ZNF326: variants seen among roughly 807,000 people sequenced by gnomAD.
ZNF326 encodes the protein zinc finger protein 326, also known as DBIRD complex subunit ZNF326.
Under a neutral mutation model 63.1 loss-of-function variants are expected in ZNF326, and 30 were observed. The observed-to-expected ratio is 0.48, with a 90% CI of 0.36 to 0.64. The LOEUF is 0.64. Among genes scored for constraint, ZNF326 ranks in the 30% least tolerant of loss-of-function variants. The pLI is 0.00. For synonymous variants in ZNF326, 194 were observed against 228.2 expected, an observed-to-expected ratio of 0.85 and a Z score of 1.35; for missense variants, 609 against 720.3, an observed-to-expected ratio of 0.85 and a Z score of 1.77.
chr1:90,010,965 T>TTAACA, intron 6 of ZNF326, among the ~76,000 whole-genome samples: 1 of 152,280 alleles, frequency 6.6e-6, no homozygotes, highest in South Asian at 2.1e-4. Context: ...CCTTTAACAG[T>TTAACA]GTGTCAATTG....
rs1348338366 is a variant in ZNF326 at position 90,023,552 on chromosome 1, C to T, written c.1401+1207C>T. Reference sequence around the variant, plus strand: ...TTGTCGCCATTTACTACATTCTTGACACTACTTTAAAAAAATGAATGCAGC... The same window carrying T: ...TTGTCGCCATTTACTACATTCTTGATACTACTTTAAAAAAATGAATGCAGC... On this transcript the variant is annotated intron_variant, in intron 11 of 11. Transcript: ENST00000340281. Among the ~76,000 whole-genome samples, 2 of 152,020 alleles carry T rather than the reference C, an allele frequency of 1.3e-5. 1 individual carries two copies. Among genetic ancestry groups the T allele is most frequent in the African/African-American group, 4.8e-5 (2 of 41,342 alleles).
rs770951494 is a variant in ZNF326 at position 90,007,450 on chromosome 1, T to C, written c.315T>C (p.Gly105=). 1.2e-6 allele frequency: 2 copies of C among 1,613,720 alleles called. No individual in the cohort carries two copies. Among genetic ancestry groups the C allele is most frequent in the Non-Finnish European group, 1.7e-6 (2 of 1,179,910 alleles). The change falls in exon 5 of 12, where the codon GGT becomes GGC. Residue 105 remains glycine (G), a synonymous_variant. Transcript: ENST00000340281. This position sits in a 1 kb window ranked among gnomAD's most constrained non-coding sequence, Gnocchi z 4.9. The part of the protein sequence containing the change: ...FNEPEQSRFG[G]SYGGRFESSY... The stretch of plus-strand genomic sequence containing the variant: ...AACCCGAACAAAGCCGCTTCGGAGG[T>C]AGTTATGGTGGTCGATTTGAGAGCT...
At chr1:90,026,913 G>A (rs896636379) in intron 11 of ZNF326, among the ~76,000 whole-genome samples, 1 of 152,118 alleles carries the variant, frequency 6.6e-6, no homozygotes, top group Admixed American at 6.5e-5. Context: ...GTAAGGCATG[G>A]TATCTAGTAG....
At chr1:90,020,560 C>T (rs745427473) in intron 9 of ZNF326, among the ~76,000 whole-genome samples, 6 of 151,986 alleles carry the variant, frequency 3.9e-5, no homozygotes, top group Non-Finnish European at 7.4e-5. Context: ...GGTTGTTTAA[C>T]ATGATTAGGA....
intron 2 of ZNF326, among the ~76,000 whole-genome samples, chr1:90,001,444 A>ATCTT (rs1232161782): frequency 5.9e-5 from 9 of 152,206 alleles, no homozygotes; most frequent in Non-Finnish European, 1.0e-4. Flanking sequence ...CCTAGGTGGT[A>ATCTT]GATGTTGGTA....
At position 90,028,280 on chromosome 1, in the gene ZNF326, T is replaced by G; in HGVS notation, c.*579T>G. ...AAACAGAGTTCATCAATGAAATGAG[T>G]ATTTAAAATAAAAATTTGCCTTAAT... On this transcript the variant is annotated 3_prime_UTR_variant, in exon 12 of 12. Transcript: ENST00000340281. 1 of 152,332 alleles carries G rather than the reference T, an allele frequency of 6.6e-6. No individual in the cohort carries two copies. Among genetic ancestry groups the G allele is most frequent in the East Asian group, 1.9e-4 (1 of 5,208 alleles). The allele number at this position is 152,332 out of a possible 1,614,324, so 9.4% of individuals were successfully genotyped here. A position where few individuals can be genotyped will look rare whatever the true frequency, so the allele number is the denominator to read the frequency against.
intron 2 of ZNF326, among the ~76,000 whole-genome samples, chr1:90,001,709 A>T (rs1172152314): frequency 6.6e-6 from 1 of 151,998 alleles, no homozygotes; most frequent in Non-Finnish European, 1.5e-5. Flanking sequence ...ACCCACCACC[A>T]TGCCTGGCTA....
At chr1:90,001,161 C>T (rs1648656149) in intron 2 of ZNF326, among the ~76,000 whole-genome samples, 1 of 152,106 alleles carries the variant, frequency 6.6e-6, no homozygotes, top group South Asian at 2.1e-4. Flanking sequence ...GCATCTGCCC[C>T]CTAGTTGTGA....
intron 6 of ZNF326, among the ~76,000 whole-genome samples, chr1:90,012,242 T>A (rs1649288060): frequency 6.6e-6 from 1 of 152,224 alleles, no homozygotes; most frequent in Non-Finnish European, 1.5e-5. Flanking sequence ...AAAATGTGGG[T>A]TATTCATACA....
intron 11 of ZNF326, among the ~76,000 whole-genome samples, 198 bp downstream of exon 11, chr1:90,022,543 A>G (rs1406924405): frequency 6.6e-6 from 1 of 152,140 alleles, no homozygotes; most frequent in Non-Finnish European, 1.5e-5. Context: ...TTCCTCTCTT[A>G]TCACCTTTGT....
chr1:89,997,158 TG>T (rs1295949287), intron 1 of ZNF326, among the ~76,000 whole-genome samples: 1 of 152,252 alleles, frequency 6.6e-6, no homozygotes, highest in Non-Finnish European at 1.5e-5. Flanking sequence ...AATCTATTCC[TG>T]TATAGTGTAG....
chr1:90,000,368 CTT>C (rs1274382849), intron 2 of ZNF326, among the ~76,000 whole-genome samples: 3 of 152,108 alleles, frequency 2.0e-5, no homozygotes, highest in Admixed American at 2.0e-4. Context: ...TGTTTTCCTT[CTT>C]GCTTCATAAT....
At chr1:90,012,999 TG>T in intron 6 of ZNF326, 126 bp from the exon 7 acceptor site, 1 of 644,860 alleles carries the variant, frequency 1.6e-6, no homozygotes, top group Non-Finnish European at 2.4e-6. Flanking sequence ...CCGATTTTTT[TG>T]GTGAGTTCAA....
intron 4 of ZNF326, chr1:90,006,028 A>G: frequency 1.0e-6 from 1 of 985,438 alleles, no homozygotes; most frequent in South Asian, 4.7e-5. Context: ...TATAAGTAAA[A>G]CTAGTTAGTA....
At chr1:89,996,125 A>G (rs569120998) in intron 1 of ZNF326, among the ~76,000 whole-genome samples, 49 of 152,354 alleles carry the variant, frequency 3.2e-4, no homozygotes, top group African/African-American at 1.2e-3. Context: ...TCACAAAGTA[A>G]TATTAATTTG....
chr1:90,010,868 G>C (rs12092341), intron 6 of ZNF326, among the ~76,000 whole-genome samples: 1 of 151,984 alleles, frequency 6.6e-6, no homozygotes, highest in Non-Finnish European at 1.5e-5. Context: ...TTTCTCATCA[G>C]GCCTTATTGT....
intron 5 of ZNF326, 143 bp from the exon 6 acceptor site, chr1:90,009,945 T>TTCAGAATG: frequency 1.4e-6 from 1 of 697,604 alleles, no homozygotes; most frequent in Non-Finnish European, 2.3e-6. Flanking sequence ...AATGTGTTTT[T>TTCAGAATG]TCAGAATGGA....
intron 6 of ZNF326, 77 bp from the exon 7 acceptor site, chr1:90,013,049 T>C (rs1487879346): frequency 8.0e-7 from 1 of 1,249,706 alleles, no homozygotes; most frequent in East Asian, 2.5e-5. Flanking sequence ...CATAAGTATG[T>C]ACTTTACGAA....
intron 7 of ZNF326, among the ~76,000 whole-genome samples, chr1:90,014,133 A>G (rs1649384542): frequency 6.6e-6 from 1 of 152,138 alleles, no homozygotes; most frequent in African/African-American, 2.4e-5. Flanking sequence ...GCCTCCTCAT[A>G]TGACACCTGG....
Sources: allele counts gnomAD v4.1 joint callset (sites outside exome capture counted in the v4.1 genomes callset), GRCh38; gene constraint gnomAD v4.1.1; non-coding constraint Gnocchi (gnomAD v3.1); transcripts MANE v1.5; gene names NCBI Gene and HGNC (gene_info 2026-07-23, HGNC 2026-07-21).